The following LIPA variants were observed in gnomAD, a reference collection of about 807,000 sequenced individuals.
The protein encoded by LIPA is lysosomal acid lipase/cholesteryl ester hydrolase.
In LIPA, 26 loss-of-function variants were observed where a neutral mutation model predicts 40.6. That is an observed-to-expected ratio of 0.64 (90% CI 0.47 to 0.89). The LOEUF (loss-of-function observed/expected upper bound fraction) is 0.89, where lower values mean the gene tolerates loss of function less well. LIPA is among the 40% of genes least tolerant of loss of function. The pLI, the probability that LIPA is intolerant of heterozygous loss-of-function variation, is 0.00. For missense variants in LIPA, 455 were observed against 479.6 expected, an observed-to-expected ratio of 0.95 and a Z score of 0.48; for synonymous variants, 188 against 168.4, an observed-to-expected ratio of 1.12 and a Z score of -0.90.
chr10:89,359,300 C>T (rs1178305843), intron 2 of LIPA, among the ~76,000 whole-genome samples: 1 of 151,636 alleles, frequency 6.6e-6, no homozygotes, highest in East Asian at 1.9e-4. Context: ...TATTATGTCT[C>T]AATAAAATAA....
chr10:89,260,744 G>A (rs74607323), intron 1 of LIPA, among the ~76,000 whole-genome samples: 6,997 of 152,206 alleles, frequency 0.046, 555 homozygotes, highest in African/African-American at 0.16. Context: ...GCTTTACAGA[G>A]CACATACAGG....
chr10:89,256,074 T>C (rs948851818), upstream of LIPA, among the ~76,000 whole-genome samples: 1 of 152,200 alleles, frequency 6.6e-6, no homozygotes, highest in African/African-American at 2.4e-5. Context: ...TCCCCTTCTT[T>C]CTTCCTTCTT....
chr10:89,290,292 A>G (rs542613389), intron 1 of LIPA, among the ~76,000 whole-genome samples: 41 of 152,102 alleles, frequency 2.7e-4, no homozygotes, highest in African/African-American at 8.4e-4. Context: ...GGCCATCACC[A>G]ATCATCCTAT....
chr10:89,278,554 A>G (rs1843300395), intron 1 of LIPA: 1 of 152,162 alleles, frequency 6.6e-6, no homozygotes. Flanking sequence ...CCCCAGGGCC[A>G]CACAACTAAA....
chr10:89,259,415 TA>T (rs1843196049), intron 1 of LIPA, among the ~76,000 whole-genome samples: 1 of 152,090 alleles, frequency 6.6e-6, no homozygotes, highest in South Asian at 2.1e-4. Flanking sequence ...TGGCTAAAAT[TA>T]AAAAGTGTTG....
In LIPA at chr10:89,406,967, G is replaced by A. The variant is rs150009003; in HGVS notation, c.61+5824C>T. The stretch of plus-strand genomic sequence containing the variant: ...GGGGGCTAAATACTGGGCACCTGTC[G>A]ACCAGTTAAAAGCAACTAGTGTGGC... On this transcript the variant is annotated intron_variant, in intron 2 of 8. Transcript: ENST00000371837. Among the ~76,000 whole-genome samples, 444 of 152,206 alleles carry A rather than the reference G, an allele frequency of 2.9e-3. 3 individuals carry two copies. The highest frequency in any genetic ancestry group is 0.01 in the African/African-American group (416 of 41,522).
At chr10:89,338,887 G>A (rs764785273) in intron 1 of LIPA, 27 of 1,614,152 alleles carry the variant, frequency 1.7e-5, no homozygotes, top group Middle Eastern at 1.6e-4. Context: ...ACGGCAAGCT[G>A]AAGAGTTAAT....
At chr10:89,251,576 A>G (rs1843122229) in intron 1 of LIPA, among the ~76,000 whole-genome samples, 161 bp downstream of exon 1, 1 of 152,176 alleles carries the variant, frequency 6.6e-6, no homozygotes. Flanking sequence ...CAACGCCCGC[A>G]GAAAAAGCAC....
At chr10:89,366,550 T>C (rs1250777180) in intron 2 of LIPA, among the ~76,000 whole-genome samples, 1 of 152,202 alleles carries the variant, frequency 6.6e-6, no homozygotes, top group East Asian at 1.9e-4. Flanking sequence ...AAGACATTTA[T>C]GCAGCCAACA....
At chr10:89,274,765 T>G (rs567408809) in intron 1 of LIPA, among the ~76,000 whole-genome samples, 2 of 152,274 alleles carry the variant, frequency 1.3e-5, no homozygotes, top group East Asian at 3.9e-4. Context: ...AATTTCCGTG[T>G]CTGATGGGTG....
At chr10:89,250,712 A>G (rs978574758) in intron 1 of LIPA, among the ~76,000 whole-genome samples, 4 of 152,228 alleles carry the variant, frequency 2.6e-5, no homozygotes, top group Non-Finnish European at 4.4e-5. Context: ...TGAGAGTAAC[A>G]GCTAAAGCTA....
intron 1 of LIPA, among the ~76,000 whole-genome samples, chr10:89,290,710 C>A: frequency 6.6e-6 from 1 of 152,332 alleles, no homozygotes; most frequent in African/African-American, 2.4e-5. Flanking sequence ...CCCACCTCTG[C>A]CAGCCAGAGA....
At chr10:89,350,496 G>A (rs1241750170) in intron 2 of LIPA, among the ~76,000 whole-genome samples, 1 of 151,942 alleles carries the variant, frequency 6.6e-6, no homozygotes, top group African/African-American at 2.4e-5. Context: ...TAGTAGAGAA[G>A]GGGTTTCACC....
intron 1 of LIPA, among the ~76,000 whole-genome samples, chr10:89,265,962 G>A (rs1318844895): frequency 6.6e-6 from 1 of 152,200 alleles, no homozygotes; most frequent in African/African-American, 2.4e-5. Flanking sequence ...CATGTGACAA[G>A]TTGCAATCAA....
intron 2 of LIPA, among the ~76,000 whole-genome samples, chr10:89,395,081 A>G (rs7919999): frequency 0.026 from 3,881 of 152,148 alleles, 113 homozygotes; most frequent in African/African-American, 0.071. Context: ...CAGTTCCTCA[A>G]TGTGATTGAT....
intron 1 of LIPA, among the ~76,000 whole-genome samples, chr10:89,328,307 G>T (rs12242873): frequency 6.6e-6 from 1 of 152,294 alleles, no homozygotes; most frequent in Admixed American, 6.5e-5. Context: ...AACTACATGG[G>T]GGGAGGCAGG....
intron 1 of LIPA, among the ~76,000 whole-genome samples, chr10:89,248,437 ATTTTATATTTAT>A (rs1348175052): frequency 7.5e-5 from 10 of 133,272 alleles, no homozygotes; most frequent in South Asian, 2.3e-4. Context: ...TATTATTATT[ATTTTATATTTAT>A]TTATTTATTT....
At chr10:89,410,122 G>A (rs576090396) in intron 2 of LIPA, among the ~76,000 whole-genome samples, 1 of 152,172 alleles carries the variant, frequency 6.6e-6, no homozygotes, top group Non-Finnish European at 1.5e-5. Context: ...GTAGCAAAAG[G>A]CTGGCCTCAC....
intron 1 of LIPA, among the ~76,000 whole-genome samples, chr10:89,315,226 A>T (rs931261168): frequency 2.6e-5 from 4 of 152,262 alleles, no homozygotes; most frequent in Non-Finnish European, 5.9e-5. Context: ...GATGGTATTT[A>T]TACCATTTAT....
Sources: gnomAD v4.1 joint callset for allele counts (sites outside exome capture counted in the v4.1 genomes callset) on GRCh38, gnomAD v4.1.1 for gene constraint, MANE v1.5 for transcripts, NCBI Gene and HGNC (gene_info 2026-07-23, HGNC 2026-07-21) for gene names.